Variants in MCPH1 observed in about 807,000 individuals in gnomAD.
MCPH1 encodes microcephalin.
MCPH1 carries 104 observed loss-of-function variants against 84.5 expected under a neutral mutation model. The ratio of observed to expected loss-of-function variants is 1.23; its 90% CI spans 1.05 to 1.45. The LOEUF is 1.45. Ranked by LOEUF, MCPH1 falls within the 40% of genes most tolerant of loss-of-function variation. The pLI is 0.00. For missense variants in MCPH1, 1,498 were observed against 1,005.7 expected, an observed-to-expected ratio of 1.49 and a Z score of -6.62; for synonymous variants, 514 against 366.8, an observed-to-expected ratio of 1.40 and a Z score of -4.58.
intron 9 of MCPH1, among the ~76,000 whole-genome samples, chr8:6,463,800 T>A (rs1806546146): frequency 6.6e-6 from 1 of 152,244 alleles, no homozygotes; most frequent in Non-Finnish European, 1.5e-5. Context: ...AGTACTTCAC[T>A]GCTGTAATGG....
intron 12 of MCPH1, among the ~76,000 whole-genome samples, chr8:6,574,227 A>G (rs1294911752): frequency 6.6e-6 from 1 of 152,220 alleles, no homozygotes; most frequent in African/African-American, 2.4e-5. Context: ...TCTGGAGGCT[A>G]GAAGTCTGTA....
At chr8:6,492,511 C>A (rs955544390) in intron 11 of MCPH1, among the ~76,000 whole-genome samples, 3 of 151,764 alleles carry the variant, frequency 2.0e-5, no homozygotes, top group Admixed American at 6.6e-5. Flanking sequence ...GCTTTTGTTG[C>A]CATTGCATTT....
At chr8:6,634,817 C>G (rs895608634) in intron 13 of MCPH1, 1 of 152,186 alleles carries the variant, frequency 6.6e-6, no homozygotes, top group African/African-American at 2.4e-5. Flanking sequence ...CCAAACGTGA[C>G]TTCATTAGTT....
At chr8:6,517,307 C>T (rs2129568411) in intron 12 of MCPH1, among the ~76,000 whole-genome samples, 1 of 152,282 alleles carries the variant, frequency 6.6e-6, no homozygotes, top group South Asian at 2.1e-4. Context: ...GCAAATAATA[C>T]TTGACTTGCT....
intron 11 of MCPH1, among the ~76,000 whole-genome samples, chr8:6,486,305 G>A (rs3020286): frequency 0.062 from 9,051 of 145,212 alleles, 639 homozygotes; most frequent in African/African-American, 0.17. Context: ...TGGCACTCTC[G>A]CTCTCTCGCT....
chr8:6,505,490 ATTCTT>A, intron 12 of MCPH1, among the ~76,000 whole-genome samples: 1 of 3,014 alleles, frequency 3.3e-4, no homozygotes, highest in South Asian at 0.031. Flanking sequence ...GAATATATAT[ATTCTT>A]TATATATGTA....
At chr8:6,547,978 G>A (rs1429350013) in intron 12 of MCPH1, among the ~76,000 whole-genome samples, 2 of 151,742 alleles carry the variant, frequency 1.3e-5, no homozygotes, top group Non-Finnish European at 2.9e-5. Context: ...ATCAGTGGCA[G>A]TGAATTCTTG....
At chr8:6,467,453 G>C (rs1455421694) in intron 9 of MCPH1, among the ~76,000 whole-genome samples, 1 of 152,120 alleles carries the variant, frequency 6.6e-6, no homozygotes, top group Non-Finnish European at 1.5e-5. Context: ...AGAATTTATA[G>C]GTTGTGTCTT....
chr8:6,506,489 C>G (rs1300219684), intron 12 of MCPH1, among the ~76,000 whole-genome samples: 1 of 152,272 alleles, frequency 6.6e-6, no homozygotes, highest in South Asian at 2.1e-4. Context: ...CTGAGAAGCT[C>G]AGCACATACG....
At chr8:6,427,639 C>T (rs536280284) in intron 3 of MCPH1, among the ~76,000 whole-genome samples, 24 of 152,172 alleles carry the variant, frequency 1.6e-4, no homozygotes, top group African/African-American at 5.3e-4. Flanking sequence ...CTCCGCCTCC[C>T]AAAATGTTGG....
intron 1 of MCPH1, among the ~76,000 whole-genome samples, chr8:6,408,666 C>G (rs556423173): frequency 2.2e-4 from 34 of 151,870 alleles, no homozygotes; most frequent in African/African-American, 8.2e-4. Flanking sequence ...TCCACCCTAC[C>G]CACCCCCATT....
chr8:6,458,802 G>A (rs998355859), intron 9 of MCPH1, among the ~76,000 whole-genome samples: 2 of 151,954 alleles, frequency 1.3e-5, no homozygotes, highest in South Asian at 2.1e-4. Flanking sequence ...CCGCCAGCAC[G>A]CCTGGCTAAT....
chr8:6,562,725 C>G (rs923824230), intron 12 of MCPH1: 3 of 1,613,520 alleles, frequency 1.9e-6, no homozygotes, highest in South Asian at 1.1e-5. Context: ...CGTATTCGAG[C>G]GGCGCGTCCC....
rs1220670506 is a variant in MCPH1, at chr8:6,477,781, A to G, written c.1973+150A>G. 3 of 718,198 alleles carry G rather than the reference A, an allele frequency of 4.2e-6. No homozygotes were observed. In the African/African-American group the frequency reaches 5.3e-5, roughly 13 times the overall value. The allele number at this position is 718,198 out of a possible 1,614,324, so 44.5% of individuals were successfully genotyped here. ...ATATCTGAGTTAGAAGATCACTGAA[A>G]ATTAAACATGTACCAAATGTGAGCG... is the stretch of plus-strand genomic sequence containing the variant. On this transcript the variant is annotated intron_variant, in intron 10 of 13. Coordinates refer to ENST00000344683, the MANE Select transcript of MCPH1 (RefSeq NM_024596.5).
intron 9 of MCPH1, among the ~76,000 whole-genome samples, chr8:6,471,194 C>T (rs941635116): frequency 7.9e-5 from 12 of 152,070 alleles, no homozygotes; most frequent in African/African-American, 2.9e-4. Context: ...CTTCTTTCCC[C>T]AAAAGGGCTT....
At chr8:6,640,724 C>T (rs1797887419) in intron 13 of MCPH1, among the ~76,000 whole-genome samples, 1 of 152,076 alleles carries the variant, frequency 6.6e-6, no homozygotes, top group African/African-American at 2.4e-5. Context: ...TGGCACCTAC[C>T]CTTGTGGTTT....
At position 6,648,035 on chromosome 8, in the gene MCPH1, G is replaced by C. The variant is rs987073014; in HGVS notation, c.*4986G>C. The C allele has an allele frequency of 6.6e-6, 1 of 152,170 alleles. No individual in the cohort carries two copies. The highest frequency in any genetic ancestry group is 1.5e-5 in the Non-Finnish European group (1 of 68,032). The allele number at this position is 152,170 out of a possible 1,614,324, so 9.4% of individuals were successfully genotyped here. ...TCTTCCACAGCAATGAGTGCAGGTAGCTAACACTGACCAACCTGCATCTGG... is the reference window on the plus strand; with the variant it reads ...TCTTCCACAGCAATGAGTGCAGGTACCTAACACTGACCAACCTGCATCTGG... On this transcript the variant is annotated 3_prime_UTR_variant, in exon 14 of 14. Coordinates refer to ENST00000344683, the MANE Select transcript of MCPH1 (RefSeq NM_024596.5).
intron 12 of MCPH1, among the ~76,000 whole-genome samples, chr8:6,571,485 C>T (rs902124845): frequency 1.3e-5 from 2 of 152,116 alleles, no homozygotes; most frequent in African/African-American, 4.8e-5. Flanking sequence ...TTTGTCATAA[C>T]CATCCTAATA....
At position 6,477,618 on chromosome 8, in the gene MCPH1, A is replaced by G; in HGVS notation, c.1960A>G (p.Ser654Gly). 6.2e-7 allele frequency: 1 copy of G among 1,612,826 alleles called. No individual in the cohort carries two copies. The highest frequency in any genetic ancestry group is 8.5e-7 in the Non-Finnish European group (1 of 1,179,086). Residue 654 changes from serine to glycine, a missense_variant, in exon 10 of 14, where the codon AGC becomes GGC. Physicochemically the swap from Ser to Gly is moderately conservative, Grantham distance 56. Transcript: ENST00000344683. Reference protein sequence around the residue: ...KKPTRTLVMTSMPSEKQNVVI... With the variant: ...KKPTRTLVMTGMPSEKQNVVI... ...GCCAACAAGAACATTAGTCATGACAAGCATGCCATCTGAGTAAGTACTTGT... is the reference window on the plus strand; with the variant it reads ...GCCAACAAGAACATTAGTCATGACAGGCATGCCATCTGAGTAAGTACTTGT...
Sources: gnomAD v4.1 joint callset for allele counts (sites outside exome capture counted in the v4.1 genomes callset) on GRCh38, gnomAD v4.1.1 for gene constraint, MANE v1.5 for transcripts, NCBI Gene and HGNC (gene_info 2026-07-23, HGNC 2026-07-21) for gene names.